The following ACBD6 variants were observed in gnomAD, a reference collection of about 807,000 sequenced individuals.
The protein encoded by ACBD6 is acyl-CoA-binding domain-containing protein 6.
A neutral mutation model predicts 37.2 loss-of-function variants in ACBD6; 28 were observed. The ratio of observed to expected loss-of-function variants is 0.75; its 90% confidence interval spans 0.56 to 1.03. The LOEUF (loss-of-function observed/expected upper bound fraction) is 1.03. Among genes scored for constraint, ACBD6 ranks in the 50% least tolerant of loss-of-function variants. ACBD6 has a pLI of 0.00. For missense variants in ACBD6, 340 were observed against 337.4 expected (o/e 1.01, Z -0.06); for synonymous variants, 113 against 126.8 (o/e 0.89, Z 0.73).
intron 3 of ACBD6, among the ~76,000 whole-genome samples, chr1:180,472,641 T>G (rs1020344628): frequency 6.6e-6 from 1 of 152,214 alleles, no homozygotes; most frequent in Non-Finnish European, 1.5e-5. Flanking sequence ...GATGATTTCA[T>G]GTTACACTGA....
chr1:180,344,511 CTG>C (rs1342553604), intron 6 of ACBD6, among the ~76,000 whole-genome samples: 2 of 152,148 alleles, frequency 1.3e-5, no homozygotes, highest in Non-Finnish European at 2.9e-5. Flanking sequence ...CAGAATGTAA[CTG>C]TTCAGCTAAC....
At chr1:180,303,902 T>C (rs540146107) in intron 7 of ACBD6, among the ~76,000 whole-genome samples, 1 of 150,942 alleles carries the variant, frequency 6.6e-6, no homozygotes, top group Non-Finnish European at 1.5e-5. Flanking sequence ...AAGAAGCTTA[T>C]CCACCATGAT....
intron 6 of ACBD6, among the ~76,000 whole-genome samples, chr1:180,360,063 A>G (rs1287844031): frequency 6.6e-6 from 1 of 152,226 alleles, no homozygotes; most frequent in Non-Finnish European, 1.5e-5. Flanking sequence ...AAGTTTTGAT[A>G]AAAAGAACTT....
chr1:180,330,251 A>C (rs993060632), intron 6 of ACBD6, among the ~76,000 whole-genome samples: 1 of 148,448 alleles, frequency 6.7e-6, no homozygotes, highest in African/African-American at 2.5e-5. Flanking sequence ...TGACTCTATA[A>C]GAATTTTTTT....
At chr1:180,467,472 A>AAAAAAAAAAAAC (rs370655998) in intron 3 of ACBD6, among the ~76,000 whole-genome samples, 5 of 114,542 alleles carry the variant, frequency 4.4e-5, no homozygotes, top group African/African-American at 7.3e-5. Flanking sequence ...AAAAAAAAAA[A>AAAAAAAAAAAAC]CAAAAACAAA....
intron 3 of ACBD6, among the ~76,000 whole-genome samples, chr1:180,467,432 T>C (rs1650388188): frequency 8.6e-6 from 1 of 116,906 alleles, no homozygotes; most frequent in African/African-American, 3.3e-5. Flanking sequence ...GGCAATATAG[T>C]TAGACTCCAT....
chr1:180,434,633 C>T (rs1648947884), intron 3 of ACBD6, among the ~76,000 whole-genome samples: 1 of 152,192 alleles, frequency 6.6e-6, no homozygotes, highest in South Asian at 2.1e-4. Flanking sequence ...AACTCTCAAC[C>T]AACTGCCAAT....
intron 5 of ACBD6, among the ~76,000 whole-genome samples, chr1:180,411,295 G>T (rs2101970023): frequency 6.6e-6 from 1 of 152,324 alleles, no homozygotes; most frequent in Middle Eastern, 3.4e-3. Context: ...TAAAGCAGTG[G>T]CAGGGTTTGA....
At chr1:180,481,700 C>T (rs924811727) in intron 3 of ACBD6, among the ~76,000 whole-genome samples, 6 of 150,744 alleles carry the variant, frequency 4.0e-5, no homozygotes, top group Admixed American at 6.6e-5. Context: ...AAGTTATGCC[C>T]TGGAACTTGA....
At chr1:180,434,929 C>T (rs1168496745) in intron 3 of ACBD6, 1 of 782,222 alleles carries the variant, frequency 1.3e-6, no homozygotes, top group Non-Finnish European at 2.4e-6. Flanking sequence ...TCAGGCTCAG[C>T]CAACATTGAG....
Position 180,449,410 on chromosome 1 carries a change from C to CTT in ACBD6, c.385-19150_385-19149dup, listed in dbSNP as rs34597184. Among the ~76,000 whole-genome samples, 110 of 137,966 alleles carry CTT rather than the reference C, an allele frequency of 8.0e-4. 2 individuals carry two copies. Among genetic ancestry groups the CTT allele is most frequent in the African/African-American group, 2.2e-3 (81 of 37,188 alleles). The allele number at this position is 137,966 out of a possible 152,430, so 90.5% of individuals were successfully genotyped here. The stretch of plus-strand genomic sequence containing the variant: ...ACATATCACTGACCTACAACTCGCA[C>CTT]TTTTTTTTTTTTTTTTTGAGACAGA... On this transcript the variant is annotated intron_variant, in intron 3 of 7. Transcript: ENST00000367595.
At position 180,502,522 on chromosome 1, in the gene ACBD6, C is replaced by T; in HGVS notation, c.-256G>A. 3.8e-6 allele frequency: 2 copies of T among 531,008 alleles called. No homozygotes were observed. The highest frequency in any genetic ancestry group is 6.8e-6 in the Non-Finnish European group (2 of 292,462). The allele number at this position is 531,008 out of a possible 1,614,324, so 32.9% of individuals were successfully genotyped here. On this transcript the variant is annotated 5_prime_UTR_variant, in exon 1 of 8. Coordinates refer to ENST00000367595, the MANE Select transcript of ACBD6 (RefSeq NM_032360.4). Reference sequence around the variant, plus strand: ...TCTCCTCCGGCTTCCCTCCGGCCAACAGCGCGCTCAGGCTCGCCTCAGGCC... The same window carrying T: ...TCTCCTCCGGCTTCCCTCCGGCCAATAGCGCGCTCAGGCTCGCCTCAGGCC...
chr1:180,308,292 T>G (rs1344146510), intron 7 of ACBD6, among the ~76,000 whole-genome samples: 1 of 152,246 alleles, frequency 6.6e-6, no homozygotes, highest in Non-Finnish European at 1.5e-5. Flanking sequence ...CCTCAAAGTC[T>G]AATACTGTAG....
At chr1:180,284,900 C>A (rs1649429551), downstream of ACBD6, among the ~76,000 whole-genome samples, 1 of 151,952 alleles carries the variant, frequency 6.6e-6, no homozygotes, top group Non-Finnish European at 1.5e-5. Flanking sequence ...GCCTGTAATC[C>A]CAGCACTTTG....
intron 6 of ACBD6, among the ~76,000 whole-genome samples, chr1:180,373,184 C>T (rs1042327133): frequency 6.6e-6 from 1 of 152,300 alleles, no homozygotes; most frequent in Non-Finnish European, 1.5e-5. Context: ...CTGCCAATAT[C>T]AATTTCTCTG....
chr1:180,281,355 TC>T (rs1649302611), exon 9 of ACBD6: 3 of 152,174 alleles, frequency 2.0e-5, no homozygotes, highest in South Asian at 2.1e-4. Context: ...TGCTTTCCTG[TC>T]CTTTCCCCTT....
At chr1:180,495,916 C>T (rs1412025704) in intron 1 of ACBD6, among the ~76,000 whole-genome samples, 1 of 152,054 alleles carries the variant, frequency 6.6e-6, no homozygotes, top group African/African-American at 2.4e-5. Context: ...CATAATTTAT[C>T]AGAATTCATA....
chr1:180,279,186 C>T (rs1649226027), intron 9 of ACBD6, among the ~76,000 whole-genome samples: 1 of 152,202 alleles, frequency 6.6e-6, no homozygotes, highest in South Asian at 2.1e-4. Flanking sequence ...AGGAAGTTCC[C>T]TGGTTTTTCT....
chr1:180,498,855 CA>C (rs112571743), intron 1 of ACBD6, among the ~76,000 whole-genome samples: 10,906 of 114,438 alleles, frequency 0.095, 448 homozygotes, highest in African/African-American at 0.15. Context: ...AAAACTGTCT[CA>C]AAAAAAAAAA....
Sources: gnomAD v4.1 joint callset for allele counts (sites outside exome capture counted in the v4.1 genomes callset) on GRCh38, gnomAD v4.1.1 for gene constraint, MANE v1.5 for transcripts, NCBI Gene and HGNC (gene_info 2026-07-23, HGNC 2026-07-21) for gene names.